The following CEP112 variants were observed in gnomAD, a reference collection of about 807,000 sequenced individuals.
The protein encoded by CEP112 is centrosomal protein of 112 kDa.
CEP112 carries 127 observed loss-of-function variants against 153.0 expected under a neutral mutation model. The ratio of observed to expected loss-of-function variants is 0.83; its 90% CI spans 0.72 to 0.96. The LOEUF (loss-of-function observed/expected upper bound fraction) is 0.96. CEP112 is among the 40% of genes least tolerant of loss of function. The pLI is 0.00. For synonymous variants in CEP112, 358 were observed against 374.4 expected, an observed-to-expected ratio of 0.96 and a Z score of 0.51; for missense variants, 1,089 against 1,101.2, an observed-to-expected ratio of 0.99 and a Z score of 0.16.
At chr17:65,995,087 A>G (rs773389372) in intron 17 of CEP112, among the ~76,000 whole-genome samples, 12 of 148,780 alleles carry the variant, frequency 8.1e-5, no homozygotes, top group Middle Eastern at 3.5e-3. Context: ...AGTTGAATTC[A>G]GCAAGGAGCC....
chr17:66,103,066 A>C (rs2068632933), intron 6 of CEP112, among the ~76,000 whole-genome samples: 1 of 151,440 alleles, frequency 6.6e-6, no homozygotes, highest in Non-Finnish European at 1.5e-5. Context: ...TCTCCTAAAA[A>C]TACAAAAAAT....
chr17:66,038,972 G>C (rs1218713553), intron 12 of CEP112, among the ~76,000 whole-genome samples: 5 of 152,130 alleles, frequency 3.3e-5, no homozygotes, highest in Non-Finnish European at 7.4e-5. Flanking sequence ...GGTAGCTGTG[G>C]AAACAGAAGG....
intron 21 of CEP112, among the ~76,000 whole-genome samples, chr17:65,800,287 T>C (rs2055186877): frequency 1.3e-5 from 2 of 152,190 alleles, no homozygotes; most frequent in African/African-American, 4.8e-5. Context: ...TTCCCTCGAC[T>C]GAAACTCTAA....
chr17:66,030,281 T>C (rs1161056792), intron 12 of CEP112, among the ~76,000 whole-genome samples: 2 of 152,200 alleles, frequency 1.3e-5, no homozygotes, highest in African/African-American at 4.8e-5. Context: ...CTGAGGCTGG[T>C]AATATTCAAG....
intron 10 of CEP112, 26 bp from the exon 11 acceptor site, chr17:66,063,107 T>A: frequency 8.3e-7 from 1 of 1,197,950 alleles, no homozygotes. Context: ...AAAACATAGT[T>A]AAACCAATTC....
chr17:66,093,782 C>G (rs1392517667), intron 8 of CEP112, among the ~76,000 whole-genome samples: 1 of 151,894 alleles, frequency 6.6e-6, no homozygotes, highest in Non-Finnish European at 1.5e-5. Flanking sequence ...TCATGCAATC[C>G]CTATCAAAAT....
At chr17:65,875,720 G>A (rs905789285) in intron 20 of CEP112, among the ~76,000 whole-genome samples, 1 of 152,044 alleles carries the variant, frequency 6.6e-6, no homozygotes, top group Non-Finnish European at 1.5e-5. Flanking sequence ...GAGAATATTA[G>A]TACTGCCTAA....
chr17:65,919,375 CA>C (rs2060619150), intron 19 of CEP112, among the ~76,000 whole-genome samples: 1 of 152,134 alleles, frequency 6.6e-6, no homozygotes, highest in Admixed American at 6.5e-5. Flanking sequence ...GTTGGAGAAG[CA>C]AGGGCCCAGA....
Position 66,053,726 on chromosome 17 carries a change from A to G in CEP112, c.1218+10T>C. Reference sequence around the variant, plus strand: ...GTTCTAAGATGTCAAGAACAGGTTTAAAGACTCACTGTGGACTGTGTTTGC... The same window carrying G: ...GTTCTAAGATGTCAAGAACAGGTTTGAAGACTCACTGTGGACTGTGTTTGC... On this transcript the variant is annotated intron_variant, in intron 12 of 26. Transcript: ENST00000535342. 1 of 1,608,646 alleles carries G rather than the reference A, an allele frequency of 6.2e-7. No individual in the cohort carries two copies. Among genetic ancestry groups the G allele is most frequent in the African/African-American group, 1.3e-5 (1 of 74,934 alleles).
chr17:65,641,540 A>T (rs2143338420), intron 24 of CEP112, among the ~76,000 whole-genome samples: 1 of 152,282 alleles, frequency 6.6e-6, no homozygotes, highest in Non-Finnish European at 1.5e-5. Context: ...AGGTGGGCAG[A>T]TCACTTGAGC....
At chr17:66,126,205 C>T (rs899938275) in intron 6 of CEP112, among the ~76,000 whole-genome samples, 6 of 152,164 alleles carry the variant, frequency 3.9e-5, no homozygotes, top group Non-Finnish European at 8.8e-5. Context: ...CTTTTTCCTA[C>T]TACCTTAAAA....
chr17:65,976,101 G>A (rs761693857), intron 17 of CEP112, among the ~76,000 whole-genome samples: 2 of 152,240 alleles, frequency 1.3e-5, no homozygotes, highest in African/African-American at 2.4e-5. Flanking sequence ...GGACAAGCAA[G>A]TGTGAACACA....
chr17:65,795,217 G>C (rs1327569017), intron 21 of CEP112, among the ~76,000 whole-genome samples: 1 of 152,132 alleles, frequency 6.6e-6, no homozygotes, highest in African/African-American at 2.4e-5. Context: ...TGAAACACCA[G>C]CTCATGATCA....
rs2045022140 is a variant in CEP112, at chr17:65,639,988, C to G, written c.2799+976G>C. 2.0e-5 allele frequency among the ~76,000 whole-genome samples: 3 copies of G among 149,570 alleles called. No individual in the cohort carries two copies. In the South Asian group the frequency reaches 6.3e-4, roughly 31 times the overall value. ...GAGTAGCTGGGATAACAGGCATGCA[C>G]CACCATGCCTGGCTAATTTTTGTAT... is the stretch of plus-strand genomic sequence containing the variant. On this transcript the variant is annotated intron_variant, in intron 25 of 26. Transcript: ENST00000535342.
At chr17:66,176,114 C>T (rs1398179544) in intron 3 of CEP112, among the ~76,000 whole-genome samples, 1 of 152,146 alleles carries the variant, frequency 6.6e-6, no homozygotes, top group East Asian at 1.9e-4. Flanking sequence ...CTAAATTGTG[C>T]TTTAAGTAAA....
chr17:66,126,964 C>A (rs2069877889), intron 6 of CEP112, among the ~76,000 whole-genome samples: 1 of 152,074 alleles, frequency 6.6e-6, no homozygotes, highest in Non-Finnish European at 1.5e-5. Context: ...AAAATCAAAG[C>A]AAAATCTAAG....
intron 1 of CEP112, 80 bp from the exon 2 acceptor site, chr17:66,183,387 C>A: frequency 2.1e-6 from 2 of 974,942 alleles, no homozygotes; most frequent in Non-Finnish European, 1.5e-6. Context: ...ATAAAAAAAA[C>A]TCTTAAGTGT....
chr17:65,647,568 C>T (rs1023312118), intron 24 of CEP112, among the ~76,000 whole-genome samples: 2 of 151,110 alleles, frequency 1.3e-5, no homozygotes, highest in East Asian at 1.9e-4. Context: ...CTCAACCTCC[C>T]GAGGCTCAAG....
intron 20 of CEP112, chr17:65,873,700 T>A (rs1281739520): frequency 2.0e-5 from 3 of 152,216 alleles, no homozygotes; most frequent in Non-Finnish European, 4.4e-5. Context: ...TGACCTAACC[T>A]TTATTCCATG....
Sources: gnomAD v4.1 joint callset for allele counts (sites outside exome capture counted in the v4.1 genomes callset) on GRCh38, gnomAD v4.1.1 for gene constraint, MANE v1.5 for transcripts, NCBI Gene and HGNC (gene_info 2026-07-23, HGNC 2026-07-21) for gene names.